Variants in UGT2A1 observed in about 807,000 individuals in gnomAD.
UGT2A1 encodes UDP-glucuronosyltransferase 2A1.
UGT2A1 carries 61 observed loss-of-function variants against 45.4 expected under a neutral mutation model. The observed-to-expected ratio is 1.34, with a 90% CI of 1.09 to 1.66. The LOEUF (loss-of-function observed/expected upper bound fraction) is 1.66. Among genes scored for constraint, UGT2A1 ranks in the 40% most tolerant of loss-of-function variants. UGT2A1 has a pLI of 0.00. For missense variants in UGT2A1, 649 were observed against 574.3 expected (o/e 1.13, Z -1.33); for synonymous variants, 229 against 196.2 (o/e 1.17, Z -1.40).
At position 69,618,166 on chromosome 4, in the gene UGT2A1, C is replaced by G. The variant is rs545914256; in HGVS notation, c.847+17525G>C. On this transcript the variant is annotated intron_variant, in intron 3 of 6. Coordinates refer to ENST00000286604, the MANE Select transcript of UGT2A1 (RefSeq NM_001252275.3). ...AATTCTATGAGAAAATATTATTTCA[C>G]AGATAAATAGGCCAGTAAGCATGTG... 2.7e-5 allele frequency among the ~76,000 whole-genome samples: 4 copies of G among 150,016 alleles called. No homozygotes were observed. In the South Asian group the frequency reaches 8.4e-4, roughly 31 times the overall value.
Position 69,602,925 on chromosome 4 carries a change from G to A in UGT2A1, c.848-3531C>T, listed in dbSNP as rs1396201938. On this transcript the variant is annotated intron_variant, in intron 3 of 6. Coordinates refer to ENST00000286604, the MANE Select transcript of UGT2A1 (RefSeq NM_001252275.3). ...TACTAAAAATACAAAAAAATTAGCC[G>A]GGCGTGGTGGCAGGTGCCTGTAATC... is the stretch of plus-strand genomic sequence containing the variant. 3.0e-5 allele frequency among the ~76,000 whole-genome samples: 4 copies of A among 134,788 alleles called. 1 individual carries two copies. The highest frequency in any genetic ancestry group is 7.3e-5 in the Admixed American group (1 of 13,652). 88.4% of individuals were successfully genotyped at this position (134,788 alleles called of 152,430 possible).
At chr4:69,595,932 T>C (rs1021882745) in intron 4 of UGT2A1, among the ~76,000 whole-genome samples, 2 of 152,192 alleles carry the variant, frequency 1.3e-5, no homozygotes, top group African/African-American at 4.8e-5. Flanking sequence ...TCAAAACTTT[T>C]GAAAGTAGTC....
chr4:69,610,984 G>C (rs558715191), intron 3 of UGT2A1, among the ~76,000 whole-genome samples: 1 of 152,140 alleles, frequency 6.6e-6, no homozygotes, highest in East Asian at 1.9e-4. Context: ...ATAATAGTTG[G>C]AGTGGAAGTC....
chr4:69,652,180 A>G (rs892256146), intron 1 of UGT2A1, among the ~76,000 whole-genome samples: 4 of 92,456 alleles, frequency 4.3e-5, no homozygotes, highest in African/African-American at 1.5e-4. Flanking sequence ...GATGCCTTCT[A>G]CTGGTTAACA....
At chr4:69,606,778 A>G in intron 3 of UGT2A1, among the ~76,000 whole-genome samples, 1 of 136,716 alleles carries the variant, frequency 7.3e-6, no homozygotes, top group Non-Finnish European at 1.6e-5. Context: ...TACACCAATA[A>G]CAGACAAACA....
intron 3 of UGT2A1, among the ~76,000 whole-genome samples, chr4:69,630,265 T>A (rs1201928355): frequency 6.6e-6 from 1 of 152,112 alleles, no homozygotes; most frequent in Non-Finnish European, 1.5e-5. Context: ...CTGCAATTTT[T>A]GACGTAGTTG....
At chr4:69,619,901 C>T (rs779642139) in intron 3 of UGT2A1, among the ~76,000 whole-genome samples, 2 of 151,906 alleles carry the variant, frequency 1.3e-5, no homozygotes, top group Non-Finnish European at 2.9e-5. Flanking sequence ...ACAAAAACCA[C>T]AAGATTACCT....
intron 3 of UGT2A1, among the ~76,000 whole-genome samples, chr4:69,624,511 T>A (rs185659013): frequency 3.8e-4 from 57 of 151,598 alleles, no homozygotes; most frequent in African/African-American, 1.4e-3. Flanking sequence ...CTACTTTTTT[T>A]AAGTTACCTC....
intron 3 of UGT2A1, among the ~76,000 whole-genome samples, chr4:69,625,074 A>G (rs115822575): frequency 0.013 from 1,900 of 151,272 alleles, 38 homozygotes; most frequent in African/African-American, 0.042. Flanking sequence ...ATATGTATTA[A>G]TTATGATAAT....
intron 3 of UGT2A1, among the ~76,000 whole-genome samples, chr4:69,614,708 A>G (rs1469363263): frequency 1.3e-5 from 2 of 152,090 alleles, no homozygotes; most frequent in Non-Finnish European, 2.9e-5. Context: ...TGCCAAATAC[A>G]TACATTGGGA....
intron 2 of UGT2A1, among the ~76,000 whole-genome samples, chr4:69,642,953 T>TA (rs1261635379): frequency 6.6e-6 from 1 of 151,528 alleles, no homozygotes; most frequent in African/African-American, 2.4e-5. Flanking sequence ...TGTTTTTTTT[T>TA]AAATAAAAGT....
intron 1 of UGT2A1, among the ~76,000 whole-genome samples, chr4:69,648,574 T>A (rs1295158852): frequency 6.6e-6 from 1 of 152,010 alleles, no homozygotes; most frequent in Non-Finnish European, 1.5e-5. Context: ...TTCTTCCTTA[T>A]TTTAAAAATT....
intron 3 of UGT2A1, among the ~76,000 whole-genome samples, chr4:69,631,137 C>T (rs1275081457): frequency 1.3e-5 from 2 of 152,004 alleles, no homozygotes; most frequent in East Asian, 1.9e-4. Context: ...TTATTTTTGA[C>T]TTCCTATTAA....
At chr4:69,628,392 A>G (rs558199701) in intron 3 of UGT2A1, among the ~76,000 whole-genome samples, 1 of 152,076 alleles carries the variant, frequency 6.6e-6, no homozygotes, top group Admixed American at 6.6e-5. Context: ...AAACAGTATT[A>G]AAGCACACGT....
At position 69,589,310 on chromosome 4, in the gene UGT2A1, G is replaced by C; in HGVS notation, c.*62C>G. On this transcript the variant is annotated 3_prime_UTR_variant, in exon 7 of 7. Transcript: ENST00000286604. ...AAACTCCTTTTGTCTGGAATTAATA[G>C]GACTACACTACTCAGGATTTTGCCA... 1.3e-6 allele frequency: 2 copies of C among 1,483,642 alleles called. No homozygotes were observed. The highest frequency in any genetic ancestry group is 2.8e-5 in the South Asian group (2 of 70,654). The allele number at this position is 1,483,642 out of a possible 1,614,324, so 91.9% of individuals were successfully genotyped here. A position where few individuals can be genotyped will look rare whatever the true frequency, so the allele number is the denominator to read the frequency against.
At chr4:69,607,312 A>C (rs1414657999) in intron 3 of UGT2A1, among the ~76,000 whole-genome samples, 2 of 151,520 alleles carry the variant, frequency 1.3e-5, no homozygotes, top group Non-Finnish European at 2.9e-5. Flanking sequence ...AAAACAAGAA[A>C]TGGGGAAATG....
Position 69,602,786 on chromosome 4 carries a change from A to T in UGT2A1, c.848-3392T>A, listed in dbSNP as rs914958216. 2.9e-5 allele frequency among the ~76,000 whole-genome samples: 4 copies of T among 137,616 alleles called. 1 individual carries two copies. Among genetic ancestry groups the T allele is most frequent in the Admixed American group, 2.1e-4 (3 of 13,960 alleles). The allele number at this position is 137,616 out of a possible 152,430, so 90.3% of individuals were successfully genotyped here. On this transcript the variant is annotated intron_variant, in intron 3 of 6. Transcript: ENST00000286604. ...AGCTAACTTGTTCACAGATAAGAAG[A>T]TCAAAATTCATAAAGATGTCCATTC...
At chr4:69,599,454 A>T in intron 3 of UGT2A1, 60 bp from the exon 4 acceptor site, 2 of 1,581,526 alleles carry the variant, frequency 1.3e-6, no homozygotes, top group Non-Finnish European at 1.7e-6. Context: ...CTGAGGAGAA[A>T]AAAAAGCTAC....
chr4:69,595,389 C>T (rs959113193), intron 4 of UGT2A1, 140 bp from the exon 5 acceptor site: 22 of 874,482 alleles, frequency 2.5e-5, no homozygotes, highest in Admixed American at 5.2e-5. Flanking sequence ...CGTTGAGATA[C>T]GTAGTAGGAC....
Sources: allele counts gnomAD v4.1 joint callset (sites outside exome capture counted in the v4.1 genomes callset), GRCh38; gene constraint gnomAD v4.1.1; transcripts MANE v1.5; gene names NCBI Gene and HGNC (gene_info 2026-07-23, HGNC 2026-07-21).